The following CNTRL variants were observed in gnomAD, a reference collection of about 807,000 sequenced individuals.
The protein encoded by CNTRL is centriolin, also known as 110 kDa centrosomal protein.
A neutral mutation model predicts 303.7 loss-of-function variants in CNTRL; 233 were observed. That is an observed-to-expected ratio of 0.77 (90% CI 0.69 to 0.86). CNTRL has a LOEUF of 0.86. CNTRL is among the 40% of genes least tolerant of loss of function. The pLI is 0.00. For synonymous variants in CNTRL, 900 were observed against 922.2 expected (o/e 0.98, Z 0.44); for missense variants, 2,524 against 2,650.6 (o/e 0.95, Z 1.05).
intron 32 of CNTRL, chr9:121,161,597 C>T (rs549637659): frequency 2.1e-5 from 9 of 422,556 alleles, no homozygotes. Context: ...GTCCTTACAC[C>T]TCAGCCTGCC....
chr9:121,100,158 A>G (rs1230048940), intron 7 of CNTRL, among the ~76,000 whole-genome samples: 1 of 152,248 alleles, frequency 6.6e-6, no homozygotes, highest in African/African-American at 2.4e-5. Flanking sequence ...GCAGGCAGAG[A>G]GAAAGGTCGG....
intron 43 of CNTRL, 70 bp downstream of exon 43, chr9:121,175,294 T>TCAAGAC: frequency 7.0e-7 from 1 of 1,428,068 alleles, no homozygotes; most frequent in Non-Finnish European, 9.8e-7. Context: ...TGAGACAAGG[T>TCAAGAC]CTTGCCCTAC....
intron 35 of CNTRL, 21 bp downstream of exon 35, chr9:121,165,121 G>GA: frequency 6.5e-7 from 1 of 1,530,784 alleles, no homozygotes; most frequent in Non-Finnish European, 8.8e-7. Context: ...GCAAAACAGT[G>GA]AAAGTGTGTG....
rs200518253 is a variant in CNTRL, at chr9:121,173,682, A to G, written c.6692A>G (p.His2231Arg). Reference sequence around the variant, plus strand: ...ATTTTCCCTCTGAGAAAGGATGAACACTGGCGTGGAGAAGCACTCCGGGAG... The same window carrying G: ...ATTTTCCCTCTGAGAAAGGATGAACGCTGGCGTGGAGAAGCACTCCGGGAG... ...NFSQVHIMDE[H>R]WRGEALREKL... Residue 2231 changes from histidine (H) to arginine (R), a missense_variant, in exon 42 of 44, where the codon CAC becomes CGC. Coordinates refer to ENST00000373855, the MANE Select transcript of CNTRL (RefSeq NM_007018.6). 6.2e-7 allele frequency: 1 copy of G among 1,614,066 alleles called. No individual in the cohort carries two copies. The highest frequency in any genetic ancestry group is 8.5e-7 in the Non-Finnish European group (1 of 1,180,018).
At chr9:121,165,636 T>G (rs920075596) in intron 35 of CNTRL, among the ~76,000 whole-genome samples, 2 of 152,204 alleles carry the variant, frequency 1.3e-5, no homozygotes, top group Non-Finnish European at 2.9e-5. Context: ...CCTCATAACA[T>G]TTTTATGAGA....
In CNTRL at chr9:121,118,425, C is replaced by T. The variant is rs149652761; in HGVS notation, c.1535C>T (p.Ala512Val). Residue 512 changes from alanine to valine, a missense_variant, in exon 12 of 44, where the codon GCT becomes GTT. Coordinates refer to ENST00000373855, the MANE Select transcript of CNTRL (RefSeq NM_007018.6). ...CTTGTAAATAAATTACGCCAGGAAG[C>T]TCTGGATCTAGAACTGCAGATGGAA... is the stretch of plus-strand genomic sequence containing the variant. ...LQLVNKLRQE[A>V]LDLELQMEKQ... 181 of 1,612,608 alleles carry T rather than the reference C, an allele frequency of 1.1e-4. No homozygotes were observed. Among genetic ancestry groups the T allele is most frequent in the Non-Finnish European group, 1.5e-4 (176 of 1,179,124 alleles).
At chr9:121,137,280 C>G (rs2051250105) in intron 15 of CNTRL, among the ~76,000 whole-genome samples, 1 of 152,082 alleles carries the variant, frequency 6.6e-6, no homozygotes, top group Admixed American at 6.6e-5. Flanking sequence ...TTTGGTTTTC[C>G]TATAACCTGT....
At chr9:121,161,292 A>G in intron 32 of CNTRL, 1 of 441,674 alleles carries the variant, frequency 2.3e-6, no homozygotes. Context: ...GCTTTTCTAC[A>G]GTAAGCAAGT....
chr9:121,091,884 C>CTTTTTT (rs148922615), intron 4 of CNTRL, among the ~76,000 whole-genome samples: 3 of 74,962 alleles, frequency 4.0e-5, no homozygotes, highest in Non-Finnish European at 7.8e-5. Flanking sequence ...GAGGTCTTCT[C>CTTTTTT]TTTTTTTTTT....
chr9:121,129,546 G>A (rs971930930), intron 14 of CNTRL, among the ~76,000 whole-genome samples: 3 of 152,152 alleles, frequency 2.0e-5, no homozygotes, highest in Non-Finnish European at 2.9e-5. Context: ...TGAGACGATG[G>A]GGTTTTCTAA....
intron 14 of CNTRL, among the ~76,000 whole-genome samples, chr9:121,135,457 T>A (rs2051134099): frequency 6.6e-6 from 1 of 152,218 alleles, no homozygotes; most frequent in Admixed American, 6.5e-5. Flanking sequence ...ATGAAAACAT[T>A]TTGTCCAACA....
At chr9:121,127,960 C>A (rs2050628627) in intron 14 of CNTRL, among the ~76,000 whole-genome samples, 1 of 152,096 alleles carries the variant, frequency 6.6e-6, no homozygotes, top group Admixed American at 6.5e-5. Context: ...CATGTCCCTG[C>A]AAAGGACATG....
At chr9:121,147,842 A>G (rs1588260392) in intron 23 of CNTRL, among the ~76,000 whole-genome samples, 1 of 152,236 alleles carries the variant, frequency 6.6e-6, no homozygotes, top group Admixed American at 6.5e-5. Context: ...TGGTACAACC[A>G]GAGCTGGAGG....
At position 121,142,240 on chromosome 9, in the gene CNTRL, T is replaced by C. The variant is rs746058528; in HGVS notation, c.2841T>C (p.Ile947=). 1 of 1,606,446 alleles carries C rather than the reference T, an allele frequency of 6.2e-7. No individual in the cohort carries two copies. Among genetic ancestry groups the C allele is most frequent in the Non-Finnish European group, 8.5e-7 (1 of 1,177,992 alleles). Residue 947 remains isoleucine, a synonymous_variant, in exon 19 of 44, where the codon ATT becomes ATC. Coordinates refer to ENST00000373855, the MANE Select transcript of CNTRL (RefSeq NM_007018.6). ...AAGCTGATGAAGAGAAGGAGAGAAT[T>C]CTGGCCCAACTCCGAGAGTTAGAGA... ...LQEADEEKER[I]LAQLRELEKK...
intron 19 of CNTRL, among the ~76,000 whole-genome samples, chr9:121,142,878 T>G (rs2051599220): frequency 6.6e-6 from 1 of 152,210 alleles, no homozygotes; most frequent in East Asian, 1.9e-4. Flanking sequence ...CTTTCTTACT[T>G]GTCCAACTTA....
In CNTRL at chr9:121,150,439, C is replaced by T; in HGVS notation, c.3919C>T (p.Pro1307Ser). The change falls in exon 25 of 44, where the codon CCT (proline) becomes TCT (serine). Residue 1307 changes from proline (P) to serine (S), a missense_variant. Pro to Ser is a moderately conservative substitution (Grantham distance 74, BLOSUM62 -1). Transcript: ENST00000373855. The part of the protein sequence containing the change: ...PPPNFSIPFI[P>S]MGVLHCNVPE... ...CCCCAACTTCTCCATCCCCTTCATCCCTATGGGTGTGCTGCATTGCAACGT... is the reference window on the plus strand; with the variant it reads ...CCCCAACTTCTCCATCCCCTTCATCTCTATGGGTGTGCTGCATTGCAACGT... The T allele has an allele frequency of 2.5e-6, 4 of 1,614,176 alleles. No homozygotes were observed. Among genetic ancestry groups the T allele is most frequent in the South Asian group, 1.1e-5 (1 of 91,078 alleles).
intron 7 of CNTRL, among the ~76,000 whole-genome samples, chr9:121,102,830 C>T (rs1478112450): frequency 6.6e-6 from 1 of 152,108 alleles, no homozygotes; most frequent in Non-Finnish European, 1.5e-5. Context: ...ACCTAGGAAT[C>T]CAGCTTAAAA....
At chr9:121,126,974 A>G (rs1447644761) in intron 14 of CNTRL, among the ~76,000 whole-genome samples, 1 of 151,626 alleles carries the variant, frequency 6.6e-6, no homozygotes, top group Non-Finnish European at 1.5e-5. Context: ...GGCATTCACC[A>G]CCTGCCCGGC....
chr9:121,169,482 CTT>C, intron 38 of CNTRL, 127 bp from the exon 39 acceptor site: 1 of 898,764 alleles, frequency 1.1e-6, no homozygotes, highest in Admixed American at 2.3e-5. Flanking sequence ...GCTTGTACGA[CTT>C]TGTAATGGAG....
Sources: allele counts gnomAD v4.1 joint callset (sites outside exome capture counted in the v4.1 genomes callset), GRCh38; gene constraint gnomAD v4.1.1; transcripts MANE v1.5; gene names NCBI Gene and HGNC (gene_info 2026-07-23, HGNC 2026-07-21).